The following ACMSD variants were observed in gnomAD, a reference collection of about 807,000 sequenced individuals.
ACMSD encodes the protein 2-amino-3-carboxymuconate-6-semialdehyde decarboxylase.
In ACMSD, 37 loss-of-function variants were observed where a neutral mutation model predicts 45.9. The ratio of observed to expected loss-of-function variants is 0.81; its 90% CI spans 0.62 to 1.06. The LOEUF is 1.06. Ranked by LOEUF, ACMSD falls within the 50% of genes least tolerant of loss-of-function variation. The probability of loss-of-function intolerance (pLI) is 0.00; values close to 1 mark genes in which losing one functional copy is unlikely to be tolerated. For missense variants in ACMSD, 434 were observed against 420.9 expected, an observed-to-expected ratio of 1.03 and a Z score of -0.27; for synonymous variants, 138 against 148.8, an observed-to-expected ratio of 0.93 and a Z score of 0.53.
Position 134,838,692 on chromosome 2 carries a change from G to T in ACMSD, c.10G>T (p.Asp4Tyr). 6.2e-7 allele frequency: 1 copy of T among 1,606,684 alleles called. No homozygotes were observed. The highest frequency in any genetic ancestry group is 8.5e-7 in the Non-Finnish European group (1 of 1,176,534). MKI[D>Y]IHSHILPKEW... ...CTCTGATCCTGTGGAGATGAAAATT[G>T]ACATCCATAGTCATATTCTACCAAA... Residue 4 changes from aspartate to tyrosine, a missense_variant, in exon 1 of 10, where the codon GAC becomes TAC. By Grantham distance (160) the Asp-to-Tyr change is radical. Coordinates refer to ENST00000356140, the MANE Select transcript of ACMSD (RefSeq NM_138326.3).
At chr2:134,892,603 T>C (rs1236425696) in intron 8 of ACMSD, among the ~76,000 whole-genome samples, 1 of 152,212 alleles carries the variant, frequency 6.6e-6, no homozygotes, top group African/African-American at 2.4e-5. Flanking sequence ...ATCTCCTGCC[T>C]GTGTTGCTCA....
chr2:134,846,984 G>T (rs1471387442), intron 2 of ACMSD, among the ~76,000 whole-genome samples: 1 of 152,190 alleles, frequency 6.6e-6, no homozygotes, highest in Non-Finnish European at 1.5e-5. Flanking sequence ...AGTTGCAAAG[G>T]CCACCAAGTG....
intron 8 of ACMSD, among the ~76,000 whole-genome samples, chr2:134,887,245 C>T (rs1278867919): frequency 1.3e-5 from 2 of 151,900 alleles, no homozygotes; most frequent in African/African-American, 4.8e-5. Context: ...CTAGAAGAGC[C>T]AAAATAATCT....
At position 134,851,344 on chromosome 2, in the gene ACMSD, T is replaced by C. The variant is rs769062592; in HGVS notation, c.102+6067T>C. Among the ~76,000 whole-genome samples, 17 of 152,338 alleles carry C rather than the reference T, an allele frequency of 1.1e-4. No individual in the cohort carries two copies. The East Asian group carries it at 3.3e-3, about 29-fold the overall frequency. ...TATACCCAGTAATAGGATCACTAGG[T>C]TGAATGGCAATTTTGTTTTAAGTTC... is the stretch of plus-strand genomic sequence containing the variant. On this transcript the variant is annotated intron_variant, in intron 2 of 9. Transcript: ENST00000356140.
chr2:134,846,941 A>G (rs1687079614), intron 2 of ACMSD, among the ~76,000 whole-genome samples: 1 of 152,188 alleles, frequency 6.6e-6, no homozygotes. Flanking sequence ...TTCGAGGATG[A>G]GAAGGGAACA....
intron 8 of ACMSD, among the ~76,000 whole-genome samples, chr2:134,892,562 A>AG (rs1689859648): frequency 6.6e-6 from 1 of 152,196 alleles, no homozygotes. Flanking sequence ...GGAAGGCGCT[A>AG]GGTAATTAAG....
chr2:134,870,092 G>C (rs999343825), intron 6 of ACMSD, among the ~76,000 whole-genome samples: 1 of 152,202 alleles, frequency 6.6e-6, no homozygotes, highest in African/African-American at 2.4e-5. Context: ...GTGAAGCCTA[G>C]CTCCGCAGCC....
At chr2:134,891,837 A>G (rs897623155) in intron 8 of ACMSD, among the ~76,000 whole-genome samples, 1 of 152,204 alleles carries the variant, frequency 6.6e-6, no homozygotes, top group African/African-American at 2.4e-5. Context: ...CTAAGTGTCC[A>G]TCAGTAAATG....
At chr2:134,883,233 G>A (rs1463715371) in intron 8 of ACMSD, among the ~76,000 whole-genome samples, 2 of 151,952 alleles carry the variant, frequency 1.3e-5, no homozygotes, top group East Asian at 3.9e-4. Context: ...GATTATGACG[G>A]ATACCAAGGG....
chr2:134,895,647 G>C (rs2104962569), intron 8 of ACMSD, among the ~76,000 whole-genome samples: 1 of 152,196 alleles, frequency 6.6e-6, no homozygotes, highest in Middle Eastern at 3.4e-3. Context: ...GATCACCTGA[G>C]ATCAGGAGTT....
At chr2:134,852,866 T>C (rs1687406865) in intron 2 of ACMSD, among the ~76,000 whole-genome samples, 1 of 151,212 alleles carries the variant, frequency 6.6e-6, no homozygotes, top group Admixed American at 6.6e-5. Context: ...AAAGACTGAG[T>C]TTAAAAATAC....
intron 8 of ACMSD, among the ~76,000 whole-genome samples, chr2:134,886,654 G>A (rs1689478656): frequency 6.6e-6 from 1 of 152,032 alleles, no homozygotes; most frequent in African/African-American, 2.4e-5. Flanking sequence ...CATACATAAT[G>A]GTGAAATATT....
At chr2:134,880,383 A>G (rs559308210) in intron 8 of ACMSD, among the ~76,000 whole-genome samples, 6 of 152,248 alleles carry the variant, frequency 3.9e-5, no homozygotes, top group African/African-American at 1.4e-4. Context: ...AAATTTTCTT[A>G]AATTATGTGT....
chr2:134,886,738 A>G (rs1372897354), intron 8 of ACMSD, among the ~76,000 whole-genome samples: 1 of 152,198 alleles, frequency 6.6e-6, no homozygotes, highest in African/African-American at 2.4e-5. Context: ...TGCACTGGCA[A>G]TCCTACCCAG....
At chr2:134,863,332 G>A in intron 4 of ACMSD, 63 bp from the exon 5 acceptor site, 7 of 1,474,802 alleles carry the variant, frequency 4.7e-6, no homozygotes, top group Non-Finnish European at 6.6e-6. Context: ...GCACTGTTCA[G>A]AGTGAATGTC....
At chr2:134,861,820 G>C (rs1055225657) in intron 3 of ACMSD, 149 bp from the exon 4 acceptor site, 1 of 775,572 alleles carries the variant, frequency 1.3e-6, no homozygotes, top group East Asian at 2.5e-5. Flanking sequence ...GGGGCTGAGG[G>C]GGGTCCAGGG....
chr2:134,852,624 A>C (rs1687395766), intron 2 of ACMSD, among the ~76,000 whole-genome samples: 1 of 152,128 alleles, frequency 6.6e-6, no homozygotes, highest in Non-Finnish European at 1.5e-5. Flanking sequence ...AAACAGGCTG[A>C]GCAAATCGAG....
Position 134,838,939 on chromosome 2 carries a change from T to C in ACMSD, c.57+200T>C, listed in dbSNP as rs551279342. ...TTGAAATAACATTGGATTAAAGAAA[T>C]AAGTGCTTTCTCAGAAACCCTTTTT... is the stretch of plus-strand genomic sequence containing the variant. On this transcript the variant is annotated intron_variant, in intron 1 of 9. Coordinates refer to ENST00000356140, the MANE Select transcript of ACMSD (RefSeq NM_138326.3). Among the ~76,000 whole-genome samples the C allele has an allele frequency of 2.0e-5, 3 of 152,306 alleles. No homozygotes were observed. In the East Asian group the frequency reaches 5.8e-4, roughly 29 times the overall value.
chr2:134,868,350 A>G (rs1388358730), intron 6 of ACMSD, among the ~76,000 whole-genome samples: 3 of 152,196 alleles, frequency 2.0e-5, no homozygotes, highest in African/African-American at 7.2e-5. Context: ...GAAGAGATAG[A>G]GAACAGATGT....
Sources: gnomAD v4.1 joint callset for allele counts (sites outside exome capture counted in the v4.1 genomes callset) on GRCh38, gnomAD v4.1.1 for gene constraint, MANE v1.5 for transcripts, NCBI Gene and HGNC (gene_info 2026-07-23, HGNC 2026-07-21) for gene names.